MCPH1: variants seen among roughly 807,000 people sequenced by gnomAD.
The protein encoded by MCPH1 is microcephalin 1.
A neutral mutation model predicts 84.5 loss-of-function variants in MCPH1; 104 were observed. The ratio of observed to expected loss-of-function variants is 1.23; its 90% confidence interval spans 1.05 to 1.45. MCPH1 has a LOEUF of 1.45. Ranked by LOEUF, MCPH1 falls within the 40% of genes most tolerant of loss-of-function variation. The probability of loss-of-function intolerance (pLI) is 0.00; values close to 1 mark genes in which losing one functional copy is unlikely to be tolerated. For missense variants in MCPH1, 1,498 were observed against 1,005.7 expected (o/e 1.49, Z -6.62); for synonymous variants, 514 against 366.8 (o/e 1.40, Z -4.58).
chr8:6,426,138 T>G (rs1801026318), intron 3 of MCPH1, among the ~76,000 whole-genome samples: 1 of 152,230 alleles, frequency 6.6e-6, no homozygotes, highest in Non-Finnish European at 1.5e-5. Flanking sequence ...AGATACAGCA[T>G]TCTGCTCACC....
Position 6,491,603 on chromosome 8 carries a change from C to G in MCPH1, c.2137-8249C>G, listed in dbSNP as rs187682195. ...ACTCGTCATTTAGCATTAGGTATAT[C>G]TCCTAATGCTATCCCTCCCCACTCC... On this transcript the variant is annotated intron_variant, in intron 11 of 13. Transcript: ENST00000344683. Among the ~76,000 whole-genome samples the G allele has an allele frequency of 2.4e-3, 362 of 151,928 alleles. 4 individuals carry two copies. Among genetic ancestry groups the G allele is most frequent in the African/African-American group, 8.4e-3 (349 of 41,436 alleles).
At chr8:6,463,694 C>A (rs1477652355) in intron 9 of MCPH1, among the ~76,000 whole-genome samples, 1 of 152,134 alleles carries the variant, frequency 6.6e-6, no homozygotes, top group East Asian at 1.9e-4. Context: ...CAGATGCCTT[C>A]CTGAGCAGAG....
chr8:6,508,826 T>A, intron 12 of MCPH1: 1 of 1,485,890 alleles, frequency 6.7e-7, no homozygotes. Context: ...CGTATGAAAT[T>A]GTGGACATCG....
At chr8:6,436,757 C>T (rs1423239850) in intron 5 of MCPH1, among the ~76,000 whole-genome samples, 1 of 151,678 alleles carries the variant, frequency 6.6e-6, no homozygotes, top group Non-Finnish European at 1.5e-5. Context: ...ATCACGAGGT[C>T]AGGAGATAGA....
intron 11 of MCPH1, among the ~76,000 whole-genome samples, chr8:6,492,819 A>G (rs1810799246): frequency 6.6e-6 from 1 of 151,534 alleles, no homozygotes; most frequent in African/African-American, 2.4e-5. Context: ...TAATTGATTA[A>G]CTGATAAGGA....
At chr8:6,466,137 T>A (rs1485722260) in intron 9 of MCPH1, among the ~76,000 whole-genome samples, 9 of 143,476 alleles carry the variant, frequency 6.3e-5, no homozygotes, top group African/African-American at 1.8e-4. Flanking sequence ...GGATTTTTTT[T>A]TTTTTTTTTT....
Position 6,444,857 on chromosome 8 carries a change from A to G in MCPH1, c.1135A>G (p.Arg379Gly). 1 of 1,614,202 alleles carries G rather than the reference A, an allele frequency of 6.2e-7. No individual in the cohort carries two copies. The highest frequency in any genetic ancestry group is 8.5e-7 in the Non-Finnish European group (1 of 1,180,048). ...ATGCAAGAGAAAGAGGAGCACCAGG[A>G]GATCTATCATGCCGAGGCTGCAGCT... ...EKCKRKRSTR[R>G]SIMPRLQLCR... Residue 379 changes from arginine to glycine, a missense_variant, in exon 8 of 14, where the codon AGA becomes GGA. Transcript: ENST00000344683.
chr8:6,434,562 C>G (rs1802361621), intron 4 of MCPH1, among the ~76,000 whole-genome samples: 1 of 152,184 alleles, frequency 6.6e-6, no homozygotes, highest in African/African-American at 2.4e-5. Flanking sequence ...TGCTGTCATT[C>G]CTTACCAGCA....
At chr8:6,480,499 C>T (rs1380421081) in intron 10 of MCPH1, among the ~76,000 whole-genome samples, 1 of 152,172 alleles carries the variant, frequency 6.6e-6, no homozygotes, top group Admixed American at 6.5e-5. Context: ...GTGGGCTTGT[C>T]TTCTCAGCCA....
intron 13 of MCPH1, among the ~76,000 whole-genome samples, chr8:6,631,171 G>C (rs1231427415): frequency 6.6e-6 from 1 of 152,188 alleles, no homozygotes; most frequent in Non-Finnish European, 1.5e-5. Context: ...AAGCTGCAGG[G>C]AGCAGACCAG....
chr8:6,425,942 C>T (rs1251055401), intron 3 of MCPH1, among the ~76,000 whole-genome samples: 1 of 152,184 alleles, frequency 6.6e-6, no homozygotes, highest in Non-Finnish European at 1.5e-5. Flanking sequence ...AGCCACCCCC[C>T]TTTTGCTGTT....
intron 12 of MCPH1, among the ~76,000 whole-genome samples, chr8:6,573,630 A>G (rs371498085): frequency 7.0e-6 from 1 of 143,504 alleles, no homozygotes; most frequent in Admixed American, 6.7e-5. Flanking sequence ...GCCTACTTCA[A>G]GGCCTGAGTG....
At chr8:6,595,909 T>C (rs1390780460) in intron 12 of MCPH1, among the ~76,000 whole-genome samples, 5 of 152,156 alleles carry the variant, frequency 3.3e-5, no homozygotes, top group African/African-American at 9.7e-5. Context: ...TGTTTTCAGT[T>C]TACAAAAAGG....
At chr8:6,446,679 A>T in intron 8 of MCPH1, 1 of 984,846 alleles carries the variant, frequency 1.0e-6, no homozygotes. Flanking sequence ...AGTTAAGAAT[A>T]TCCTGTTCTG....
At chr8:6,547,642 G>T (rs1304278628) in intron 12 of MCPH1, among the ~76,000 whole-genome samples, 2 of 152,108 alleles carry the variant, frequency 1.3e-5, no homozygotes, top group African/African-American at 4.8e-5. Flanking sequence ...CTATCAAACA[G>T]TGAGTGCCTT....
At chr8:6,625,124 C>T (rs1337491589) in intron 13 of MCPH1, 3 of 909,286 alleles carry the variant, frequency 3.3e-6, no homozygotes, top group Non-Finnish European at 3.9e-6. Flanking sequence ...ATCCTCCTGC[C>T]TCGGCCTCCC....
intron 12 of MCPH1, chr8:6,502,939 A>G: frequency 1.3e-6 from 1 of 761,176 alleles, no homozygotes; most frequent in South Asian, 2.0e-5. Context: ...AGTTTAAGTG[A>G]TAAAGTTTAC....
intron 10 of MCPH1, 103 bp from the exon 11 acceptor site, chr8:6,480,611 T>G: frequency 2.3e-6 from 3 of 1,299,420 alleles, no homozygotes; most frequent in Non-Finnish European, 3.3e-6. Flanking sequence ...AGTTTCAAAT[T>G]TTGGCTTTCT....
chr8:6,499,721 TGTC>T, intron 11 of MCPH1, 128 bp from the exon 12 acceptor site: 1 of 751,502 alleles, frequency 1.3e-6, no homozygotes. Flanking sequence ...GGGACTTTGT[TGTC>T]TGAGAACACA....
Sources: gnomAD v4.1 joint callset for allele counts (sites outside exome capture counted in the v4.1 genomes callset) on GRCh38, gnomAD v4.1.1 for gene constraint, MANE v1.5 for transcripts, NCBI Gene and HGNC (gene_info 2026-07-23, HGNC 2026-07-21) for gene names.